Variants in LIFR observed in about 807,000 individuals in gnomAD.
LIFR encodes the protein LIF receptor subunit alpha.
A neutral mutation model predicts 122.2 loss-of-function variants in LIFR; 84 were observed. The ratio of observed to expected loss-of-function variants is 0.69; its 90% CI spans 0.58 to 0.82. LIFR has a LOEUF of 0.82. LIFR is among the 40% of genes least tolerant of loss of function. LIFR has a pLI of 0.00. For missense variants in LIFR, 1,294 were observed against 1,311.6 expected (o/e 0.99, Z 0.21); for synonymous variants, 422 against 434.7 (o/e 0.97, Z 0.36).
intron 15 of LIFR, among the ~76,000 whole-genome samples, 166 bp downstream of exon 15, chr5:38,490,019 AAAGAG>A (rs1744493822): frequency 1.4e-5 from 2 of 145,462 alleles, no homozygotes; most frequent in African/African-American, 5.0e-5. Flanking sequence ...AAAAAAAAAA[AAAGAG>A]GAGGAGGAGA....
rs1561120976 is a variant in LIFR, at chr5:38,477,483, C to T, written c.*4112G>A. On this transcript the variant is annotated 3_prime_UTR_variant, in exon 20 of 20. Coordinates refer to ENST00000453190, the MANE Select transcript of LIFR (RefSeq NM_001127671.2). ...GAGTTCTGAATCAGTTAACCTCACACACGGACACACTGTTGGGCAGAACAC... is the reference window on the plus strand; with the variant it reads ...GAGTTCTGAATCAGTTAACCTCACATACGGACACACTGTTGGGCAGAACAC... The T allele has an allele frequency of 4.6e-6, 1 of 215,726 alleles. No homozygotes were observed. The highest frequency in any genetic ancestry group is 5.8e-5 in the Admixed American group (1 of 17,144). The allele number at this position is 215,726 out of a possible 1,614,324, so 13.4% of individuals were successfully genotyped here.
Position 38,541,722 on chromosome 5 carries a change from G to A in LIFR, c.-19-11056C>T, listed in dbSNP as rs181958672. On this transcript the variant is annotated intron_variant, in intron 1 of 19. Transcript: ENST00000453190. Reference sequence around the variant, plus strand: ...CTTATCTGTGGATGGAAAAAAATGGGCAAAATAGCAAATATACAGGGTGTA... The same window carrying A: ...CTTATCTGTGGATGGAAAAAAATGGACAAAATAGCAAATATACAGGGTGTA... Among the ~76,000 whole-genome samples the A allele has an allele frequency of 1.4e-4, 21 of 152,154 alleles. 1 individual carries two copies. The highest frequency in any genetic ancestry group is 1.4e-3 in the Admixed American group (21 of 15,290).
intron 1 of LIFR, among the ~76,000 whole-genome samples, chr5:38,546,425 T>C (rs1419912685): frequency 6.6e-6 from 1 of 152,194 alleles, no homozygotes; most frequent in African/African-American, 2.4e-5. Context: ...AAAAACAAAA[T>C]TTAAAAACCC....
intron 4 of LIFR, 116 bp downstream of exon 4, chr5:38,527,039 T>C: frequency 3.3e-6 from 3 of 911,970 alleles, no homozygotes; most frequent in Non-Finnish European, 4.9e-6. Flanking sequence ...GGGAGGTTGC[T>C]GAGTGAATTA....
chr5:38,553,670 AT>A (rs1748360913), intron 1 of LIFR, among the ~76,000 whole-genome samples: 1 of 110,442 alleles, frequency 9.1e-6, no homozygotes, highest in Non-Finnish European at 1.8e-5. Context: ...ATATATATAT[AT>A]ATTATATGTA....
Position 38,480,483 on chromosome 5 carries a change from A to C in LIFR, c.*1112T>G, listed in dbSNP as rs1743930666. The C allele has an allele frequency of 4.6e-6, 1 of 215,568 alleles. No individual in the cohort carries two copies. Among genetic ancestry groups the C allele is most frequent in the African/African-American group, 2.3e-5 (1 of 44,310 alleles). 13.4% of individuals were successfully genotyped at this position (215,568 alleles called of 1,614,324 possible). Reference sequence around the variant, plus strand: ...TTCCTGTAAGAAGCATTCTCTCTTTAGTTTTATATTTAAAAATGTGAGGAC... The same window carrying C: ...TTCCTGTAAGAAGCATTCTCTCTTTCGTTTTATATTTAAAAATGTGAGGAC... On this transcript the variant is annotated 3_prime_UTR_variant, in exon 20 of 20. Transcript: ENST00000453190.
chr5:38,510,771 A>C, intron 6 of LIFR, 53 bp from the exon 7 acceptor site: 1 of 1,475,822 alleles, frequency 6.8e-7, no homozygotes. Context: ...ATTTTACATA[A>C]ACTTTTCTGC....
upstream of LIFR, chr5:38,558,562 ATACTGTG>A (rs1748705792): frequency 6.6e-6 from 1 of 152,144 alleles, no homozygotes; most frequent in Non-Finnish European, 1.5e-5. Context: ...GAAAAAGCAA[ATACTGTG>A]TATTAGTCCG....
In LIFR at chr5:38,477,705, A is replaced by G; in HGVS notation, c.*3890T>C. 1 of 218,242 alleles carries G rather than the reference A, an allele frequency of 4.6e-6. No homozygotes were observed. Among genetic ancestry groups the G allele is most frequent in the Non-Finnish European group, 9.2e-6 (1 of 108,276 alleles). The allele number at this position is 218,242 out of a possible 1,614,324, so 13.5% of individuals were successfully genotyped here. A position where few individuals can be genotyped will look rare whatever the true frequency, so the allele number is the denominator to read the frequency against. Reference sequence around the variant, plus strand: ...CAATAGTCTCAGATCCACACAAGCTAGATTTTGGTGTGTATCACCCTTCAG... The same window carrying G: ...CAATAGTCTCAGATCCACACAAGCTGGATTTTGGTGTGTATCACCCTTCAG... On this transcript the variant is annotated 3_prime_UTR_variant, in exon 20 of 20. Coordinates refer to ENST00000453190, the MANE Select transcript of LIFR (RefSeq NM_001127671.2).
chr5:38,498,686 C>T (rs779653276), intron 12 of LIFR, among the ~76,000 whole-genome samples: 1 of 152,134 alleles, frequency 6.6e-6, no homozygotes, highest in Non-Finnish European at 1.5e-5. Context: ...TTCAAACTTT[C>T]GTATATTGAA....
chr5:38,553,638 A>AT (rs1328653442), intron 1 of LIFR, among the ~76,000 whole-genome samples: 3 of 78,256 alleles, frequency 3.8e-5, no homozygotes, highest in Non-Finnish European at 7.0e-5. Context: ...ATATATATAT[A>AT]TATATATATA....
At chr5:38,497,498 T>G (rs957661589) in intron 12 of LIFR, among the ~76,000 whole-genome samples, 3 of 152,256 alleles carry the variant, frequency 2.0e-5, no homozygotes, top group African/African-American at 7.2e-5. Flanking sequence ...CCAGAAGCAC[T>G]GCTCTACTTA....
At chr5:38,539,648 G>A (rs919422859) in intron 1 of LIFR, among the ~76,000 whole-genome samples, 1 of 151,812 alleles carries the variant, frequency 6.6e-6, no homozygotes, top group Non-Finnish European at 1.5e-5. Flanking sequence ...AAAGAATACT[G>A]GCTCAAATTG....
Position 38,519,468 on chromosome 5 carries a change from T to C in LIFR, c.561+3951A>G, listed in dbSNP as rs151118442. 5.8e-3 allele frequency among the ~76,000 whole-genome samples: 884 copies of C among 152,224 alleles called. 12 individuals carry two copies. The highest frequency in any genetic ancestry group is 0.02 in the African/African-American group (833 of 41,558). On this transcript the variant is annotated intron_variant, in intron 5 of 19. Transcript: ENST00000453190. ...TATTATCATTTCTGTGTTGGGAACA[T>C]TTCAAGTCTTCTAGCTACCTTGAAA...
chr5:38,527,333 T>A (rs1244610569), intron 3 of LIFR, 39 bp from the exon 4 acceptor site: 2 of 1,289,882 alleles, frequency 1.6e-6, no homozygotes, highest in Non-Finnish European at 2.2e-6. Flanking sequence ...CAAATAAAAT[T>A]AATAGTATAA....
chr5:38,607,096 T>C (rs1750344978), intron 1 of LIFR, among the ~76,000 whole-genome samples: 1 of 152,240 alleles, frequency 6.6e-6, no homozygotes. Flanking sequence ...TTTTTAAAAA[T>C]AGTATTTAGA....
chr5:38,475,824 GATTT>G lies in LIFR; in HGVS notation c.*5767_*5770del. 5.3e-6 allele frequency: 1 copy of G among 189,002 alleles called. No homozygotes were observed. Among genetic ancestry groups the G allele is most frequent in the East Asian group, 8.5e-5 (1 of 11,728 alleles). The allele number at this position is 189,002 out of a possible 1,614,324, so 11.7% of individuals were successfully genotyped here. A position where few individuals can be genotyped will look rare whatever the true frequency, so the allele number is the denominator to read the frequency against. ...TTAGGAAAGTTAAGTATTTTGAAAT[GATTT>G]ATTTTACCTTTCAACATACTTTTAA... On this transcript the variant is annotated 3_prime_UTR_variant, in exon 20 of 20. Transcript: ENST00000453190.
chr5:38,541,030 A>G (rs551607541), intron 1 of LIFR, among the ~76,000 whole-genome samples: 1 of 152,258 alleles, frequency 6.6e-6, no homozygotes, highest in African/African-American at 2.4e-5. Flanking sequence ...AAATAATTCA[A>G]AATTTTTTTC....
At chr5:38,596,614 C>G (rs933151896), upstream of LIFR, among the ~76,000 whole-genome samples, 1 of 152,162 alleles carries the variant, frequency 6.6e-6, no homozygotes, top group Non-Finnish European at 1.5e-5. Context: ...TAAAATCGCC[C>G]TTACCATTCA....
Sources: allele counts gnomAD v4.1 joint callset (sites outside exome capture counted in the v4.1 genomes callset), GRCh38; gene constraint gnomAD v4.1.1; transcripts MANE v1.5; gene names NCBI Gene and HGNC (gene_info 2026-07-23, HGNC 2026-07-21).